LDAH: variants seen among roughly 807,000 people sequenced by gnomAD.
The protein encoded by LDAH is lipid droplet-associated hydrolase.
Under a neutral mutation model 29.6 loss-of-function variants are expected in LDAH, and 26 were observed. That is an observed-to-expected ratio of 0.88 (90% CI 0.64 to 1.22). LDAH has a LOEUF of 1.22. Ranked by LOEUF, LDAH falls within the 50% of genes most tolerant of loss-of-function variation. The probability of loss-of-function intolerance (pLI) is 0.00; values close to 1 mark genes in which losing one functional copy is unlikely to be tolerated. For synonymous variants in LDAH, 117 were observed against 133.0 expected (o/e 0.88, Z 0.83); for missense variants, 344 against 387.3 (o/e 0.89, Z 0.94).
At chr2:20,806,480 G>A (rs1203010664) in intron 1 of LDAH, among the ~76,000 whole-genome samples, 1 of 152,028 alleles carries the variant, frequency 6.6e-6, no homozygotes, top group Non-Finnish European at 1.5e-5. Flanking sequence ...AAGGCCCAGG[G>A]CAGAAAAACA....
intron 4 of LDAH, among the ~76,000 whole-genome samples, chr2:20,752,388 G>C (rs908778230): frequency 1.3e-5 from 2 of 152,146 alleles, no homozygotes; most frequent in Non-Finnish European, 2.9e-5. Flanking sequence ...AAGGGAACAT[G>C]ACAGAAATAA....
intron 4 of LDAH, among the ~76,000 whole-genome samples, chr2:20,764,452 CCTT>C (rs1295814213): frequency 1.2e-4 from 19 of 152,220 alleles, no homozygotes; most frequent in African/African-American, 4.3e-4. Flanking sequence ...CCTTCATAGT[CCTT>C]CTGTTCCCAG....
intron 5 of LDAH, among the ~76,000 whole-genome samples, chr2:20,702,725 TACTCATCTAAACAAGG>T (rs1157151924): frequency 6.6e-6 from 1 of 152,236 alleles, no homozygotes; most frequent in Non-Finnish European, 1.5e-5. Flanking sequence ...TGTCTGGAAT[TACTCATCTAAACAAGG>T]CATGACCTTA....
At chr2:20,726,260 A>G (rs554359006) in intron 5 of LDAH, among the ~76,000 whole-genome samples, 39 of 152,322 alleles carry the variant, frequency 2.6e-4, no homozygotes, top group Admixed American at 9.8e-4. Flanking sequence ...ACTGAAAAAG[A>G]GCCTTTCACA....
At chr2:20,791,433 G>A (rs1558482729) in intron 2 of LDAH, among the ~76,000 whole-genome samples, 1 of 152,184 alleles carries the variant, frequency 6.6e-6, no homozygotes, top group Non-Finnish European at 1.5e-5. Context: ...TTATATAAAT[G>A]TTAGGTATTC....
intron 6 of LDAH, among the ~76,000 whole-genome samples, chr2:20,699,887 C>T (rs1294672115): frequency 6.6e-6 from 1 of 152,160 alleles, no homozygotes; most frequent in Non-Finnish European, 1.5e-5. Context: ...AAGTTAGCAC[C>T]TTTCTTTGAC....
intron 2 of LDAH, among the ~76,000 whole-genome samples, chr2:20,800,416 C>G (rs1386323918): frequency 6.6e-6 from 1 of 152,076 alleles, no homozygotes; most frequent in Non-Finnish European, 1.5e-5. Context: ...ATTGAAAACA[C>G]AATTGAAAAA....
At position 20,823,100 on chromosome 2, in the gene LDAH, G is replaced by C. The variant is rs1300955553; in HGVS notation, c.-66C>G. On this transcript the variant is annotated 5_prime_UTR_variant, in exon 1 of 7. Transcript: ENST00000237822. ...CTGGGAAGGCGGCACGAGACCGGAA[G>C]TGCCCCCCTCAGGTGACGTCACAGT... 1 of 152,316 alleles carries C rather than the reference G, an allele frequency of 6.6e-6. No individual in the cohort carries two copies. Among genetic ancestry groups the C allele is most frequent in the Non-Finnish European group, 1.5e-5 (1 of 68,142 alleles). 9.4% of individuals were successfully genotyped at this position (152,316 alleles called of 1,614,324 possible).
intron 4 of LDAH, among the ~76,000 whole-genome samples, chr2:20,749,851 A>G (rs889696683): frequency 4.6e-5 from 7 of 152,058 alleles, no homozygotes; most frequent in Non-Finnish European, 1.0e-4. Flanking sequence ...AAGAAGACAT[A>G]TCTGATGTTT....
chr2:20,733,462 C>T (rs992830100), intron 5 of LDAH, among the ~76,000 whole-genome samples: 2 of 148,876 alleles, frequency 1.3e-5, no homozygotes, highest in Admixed American at 6.7e-5. Context: ...TGCAGTGTCA[C>T]GATCTCGGCT....
rs528119710 is a variant in LDAH, at chr2:20,741,932, G to A, written c.469-1727C>T. On this transcript the variant is annotated intron_variant, in intron 4 of 6. Coordinates refer to ENST00000237822, the MANE Select transcript of LDAH (RefSeq NM_021925.4). Reference sequence around the variant, plus strand: ...TGAAGGGTGTTTCAATGGACATGGAGTACATACATCTCTGATATATTAATT... The same window carrying A: ...TGAAGGGTGTTTCAATGGACATGGAATACATACATCTCTGATATATTAATT... Among the ~76,000 whole-genome samples the A allele has an allele frequency of 3.3e-5, 5 of 152,280 alleles. No individual in the cohort carries two copies. In the South Asian group the frequency reaches 1.0e-3, roughly 32 times the overall value.
intron 1 of LDAH, 84 bp from the exon 2 acceptor site, chr2:20,801,549 G>T: frequency 8.4e-7 from 1 of 1,196,348 alleles, no homozygotes; most frequent in Non-Finnish European, 1.2e-6. Context: ...ATAAAAAAGG[G>T]CAAGTTTCAA....
At chr2:20,689,623 A>G (rs901594166) in intron 6 of LDAH, among the ~76,000 whole-genome samples, 2 of 152,206 alleles carry the variant, frequency 1.3e-5, no homozygotes, top group Non-Finnish European at 2.9e-5. Flanking sequence ...TTATCTACCA[A>G]TAGTGCTGAT....
At chr2:20,808,986 T>C (rs1672283718) in intron 1 of LDAH, among the ~76,000 whole-genome samples, 1 of 152,180 alleles carries the variant, frequency 6.6e-6, no homozygotes, top group African/African-American at 2.4e-5. Context: ...ATTATAGATC[T>C]AAATGTGAAA....
intron 4 of LDAH, among the ~76,000 whole-genome samples, chr2:20,743,203 T>C (rs1452065194): frequency 1.3e-5 from 2 of 152,178 alleles, no homozygotes; most frequent in Admixed American, 6.5e-5. Flanking sequence ...TTTTATGTGA[T>C]TCCATTTTCT....
In LDAH at chr2:20,808,212, T is replaced by C. The variant is rs553495628; in HGVS notation, c.-2-6747A>G. Among the ~76,000 whole-genome samples, 4 of 152,334 alleles carry C rather than the reference T, an allele frequency of 2.6e-5. No homozygotes were observed. The East Asian group carries it at 7.7e-4, about 29-fold the overall frequency. ...AATTAAATAACGAGGGGACAAACTG[T>C]ATTCGTGAACTGGAAGTCTCACTAG... On this transcript the variant is annotated intron_variant, in intron 1 of 6. Coordinates refer to ENST00000237822, the MANE Select transcript of LDAH (RefSeq NM_021925.4).
intron 5 of LDAH, among the ~76,000 whole-genome samples, chr2:20,714,835 G>A (rs1350178704): frequency 6.6e-6 from 1 of 152,198 alleles, no homozygotes; most frequent in African/African-American, 2.4e-5. Flanking sequence ...AAGCCAGGAA[G>A]AAGTGGAATC....
intron 3 of LDAH, among the ~76,000 whole-genome samples, chr2:20,784,298 CA>C (rs1670400894): frequency 6.6e-6 from 1 of 152,032 alleles, no homozygotes; most frequent in African/African-American, 2.4e-5. Context: ...CTCAGCTACT[CA>C]GGAGGCTGAG....
At chr2:20,731,011 G>A (rs879769269) in intron 5 of LDAH, among the ~76,000 whole-genome samples, 3 of 152,168 alleles carry the variant, frequency 2.0e-5, no homozygotes, top group Non-Finnish European at 4.4e-5. Flanking sequence ...TTACAAAACT[G>A]TCTTAGTAAT....
Sources: gnomAD v4.1 joint callset for allele counts (sites outside exome capture counted in the v4.1 genomes callset) on GRCh38, gnomAD v4.1.1 for gene constraint, MANE v1.5 for transcripts, NCBI Gene and HGNC (gene_info 2026-07-23, HGNC 2026-07-21) for gene names.